Variants in EPHA6 observed in about 807,000 individuals in gnomAD.
The protein encoded by EPHA6 is EPH receptor A6.
Under a neutral mutation model 112.0 loss-of-function variants are expected in EPHA6, and 50 were observed. The observed-to-expected ratio is 0.45, with a 90% CI of 0.36 to 0.56. The LOEUF (loss-of-function observed/expected upper bound fraction) is 0.56. EPHA6 is among the 20% of genes least tolerant of loss of function. The pLI, the probability that EPHA6 is intolerant of heterozygous loss-of-function variation, is 0.00. For synonymous variants in EPHA6, 529 were observed against 490.7 expected (o/e 1.08, Z -1.03); for missense variants, 1,280 against 1,417.4 (o/e 0.90, Z 1.56).
intron 2 of EPHA6, among the ~76,000 whole-genome samples, chr3:96,979,807 A>G (rs1292992375): frequency 1.3e-5 from 2 of 152,140 alleles, no homozygotes; most frequent in Non-Finnish European, 2.9e-5. Context: ...GCCAGTGATG[A>G]TGAGCATTTT....
chr3:97,058,662 G>T (rs527695900), intron 3 of EPHA6, among the ~76,000 whole-genome samples: 21 of 152,196 alleles, frequency 1.4e-4, no homozygotes, highest in Middle Eastern at 3.4e-3. Context: ...GTATTCAAAT[G>T]ATTTTAATTA....
chr3:97,052,987 T>C (rs2045734744), intron 3 of EPHA6, among the ~76,000 whole-genome samples: 2 of 151,942 alleles, frequency 1.3e-5, no homozygotes, highest in African/African-American at 2.4e-5. Flanking sequence ...AGAGGTGAGG[T>C]ATATATAAAA....
intron 3 of EPHA6, among the ~76,000 whole-genome samples, chr3:97,097,205 T>A (rs1306339119): frequency 1.3e-5 from 2 of 151,582 alleles, no homozygotes; most frequent in East Asian, 3.9e-4. Context: ...ATATGCAATA[T>A]CATTAATAAA....
intron 5 of EPHA6, among the ~76,000 whole-genome samples, chr3:97,328,814 T>A (rs1012694117): frequency 9.9e-5 from 15 of 152,000 alleles, no homozygotes; most frequent in African/African-American, 3.6e-4. Flanking sequence ...TATTTTTCTT[T>A]TTATTATTAT....
chr3:97,476,854 T>C (rs1041178765), intron 8 of EPHA6, among the ~76,000 whole-genome samples: 2 of 152,088 alleles, frequency 1.3e-5, no homozygotes. Flanking sequence ...AAGTTTTTCA[T>C]GTATATAAAC....
intron 10 of EPHA6, among the ~76,000 whole-genome samples, chr3:97,513,677 G>C (rs1345887104): frequency 6.6e-6 from 1 of 152,006 alleles, no homozygotes; most frequent in Non-Finnish European, 1.5e-5. Flanking sequence ...TGGGGAGAGT[G>C]GGGGTGGGAG....
chr3:96,931,971 G>C (rs1005298489), intron 2 of EPHA6, among the ~76,000 whole-genome samples: 6 of 152,124 alleles, frequency 3.9e-5, no homozygotes, highest in African/African-American at 1.4e-4. Context: ...AGAGCTGTGT[G>C]GGTCCATTGG....
chr3:97,025,571 G>A (rs915729772), intron 3 of EPHA6, among the ~76,000 whole-genome samples: 25 of 152,044 alleles, frequency 1.6e-4, no homozygotes, highest in African/African-American at 6.0e-4. Context: ...GTCCTCAGTG[G>A]TATTTATGGT....
chr3:97,247,264 A>G (rs1049662960), intron 5 of EPHA6, among the ~76,000 whole-genome samples: 1 of 152,000 alleles, frequency 6.6e-6, no homozygotes, highest in South Asian at 2.1e-4. Context: ...TGCAAAATTG[A>G]TAAGTGTTAT....
At chr3:97,134,841 A>G (rs759560961) in intron 3 of EPHA6, among the ~76,000 whole-genome samples, 4 of 152,084 alleles carry the variant, frequency 2.6e-5, no homozygotes, top group African/African-American at 7.2e-5. Flanking sequence ...TAGATGCGAG[A>G]TATGACAACT....
At chr3:97,060,476 A>G (rs2045983545) in intron 3 of EPHA6, among the ~76,000 whole-genome samples, 1 of 152,192 alleles carries the variant, frequency 6.6e-6, no homozygotes, top group Admixed American at 6.5e-5. Flanking sequence ...GAAATTTAGA[A>G]ACACTACTTT....
chr3:96,973,429 G>A (rs995693093), intron 2 of EPHA6, among the ~76,000 whole-genome samples: 1 of 152,140 alleles, frequency 6.6e-6, no homozygotes, highest in East Asian at 1.9e-4. Flanking sequence ...CGTAAGTTTG[G>A]TAATTGTAGC....
intron 7 of EPHA6, among the ~76,000 whole-genome samples, chr3:97,471,189 A>C (rs977295560): frequency 6.6e-6 from 1 of 151,668 alleles, no homozygotes. Flanking sequence ...AACTAATGAG[A>C]TCTCTAGCCA....
chr3:97,605,530 T>G (rs2093674427), intron 12 of EPHA6, among the ~76,000 whole-genome samples: 1 of 151,762 alleles, frequency 6.6e-6, no homozygotes. Flanking sequence ...TTGCTTGTTT[T>G]TGTCAATTTT....
At chr3:97,113,928 A>G (rs2047803982) in intron 3 of EPHA6, among the ~76,000 whole-genome samples, 1 of 152,272 alleles carries the variant, frequency 6.6e-6, no homozygotes, top group South Asian at 2.1e-4. Flanking sequence ...GATCACTTTT[A>G]TAGATTAAGT....
At chr3:97,687,053 G>A (rs1372716321) in intron 14 of EPHA6, among the ~76,000 whole-genome samples, 2 of 152,186 alleles carry the variant, frequency 1.3e-5, no homozygotes, top group African/African-American at 4.8e-5. Flanking sequence ...TGTCTCTTAT[G>A]GTGCATGAAG....
rs191867769 is a variant in EPHA6, at chr3:97,276,418, C to T, written c.1606+32131C>T. On this transcript the variant is annotated intron_variant, in intron 5 of 17. Transcript: ENST00000389672. Reference sequence around the variant, plus strand: ...CCGGGGCTGTGGGCATTCCTTGGCTCGGTGGCCAGATTTCCAGTACTTGTA... The same window carrying T: ...CCGGGGCTGTGGGCATTCCTTGGCTTGGTGGCCAGATTTCCAGTACTTGTA... 2.2e-3 allele frequency among the ~76,000 whole-genome samples: 330 copies of T among 152,086 alleles called. 1 individual carries two copies. Among genetic ancestry groups the T allele is most frequent in the Non-Finnish European group, 2.2e-3 (152 of 67,990 alleles).
At chr3:97,647,364 T>C (rs2094072932) in intron 14 of EPHA6, among the ~76,000 whole-genome samples, 1 of 152,126 alleles carries the variant, frequency 6.6e-6, no homozygotes, top group South Asian at 2.1e-4. Context: ...ACAAGAGTTG[T>C]AGCAGAAGGT....
chr3:97,691,844 T>C lies in EPHA6; in HGVS notation c.2785-28417T>C, dbSNP rs146969101. Among the ~76,000 whole-genome samples the C allele has an allele frequency of 1.8e-4, 27 of 152,366 alleles. No homozygotes were observed. In the East Asian group the frequency reaches 5.2e-3, roughly 29 times the overall value. On this transcript the variant is annotated intron_variant, in intron 14 of 17. Coordinates refer to ENST00000389672, the MANE Select transcript of EPHA6 (RefSeq NM_001080448.3). Reference sequence around the variant, plus strand: ...GAGCAGAAAAAGGAGAAAATTCTCTTTCGGCCCCTTCCAGTATTCTTGCCT... The same window carrying C: ...GAGCAGAAAAAGGAGAAAATTCTCTCTCGGCCCCTTCCAGTATTCTTGCCT...
Sources: gnomAD v4.1 joint callset for allele counts (sites outside exome capture counted in the v4.1 genomes callset) on GRCh38, gnomAD v4.1.1 for gene constraint, MANE v1.5 for transcripts, NCBI Gene and HGNC (gene_info 2026-07-23, HGNC 2026-07-21) for gene names.